The following MAP4K3 variants were observed in gnomAD, a reference collection of about 807,000 sequenced individuals.
MAP4K3 encodes mitogen-activated protein kinase kinase kinase kinase 3.
A neutral mutation model predicts 143.5 loss-of-function variants in MAP4K3; 94 were observed. That is an observed-to-expected ratio of 0.65 (90% CI 0.55 to 0.78). The LOEUF (loss-of-function observed/expected upper bound fraction) is 0.78. MAP4K3 is among the 30% of genes least tolerant of loss of function. The pLI, the probability that MAP4K3 is intolerant of heterozygous loss-of-function variation, is 0.00. For synonymous variants in MAP4K3, 416 were observed against 347.2 expected, an observed-to-expected ratio of 1.20 and a Z score of -2.20; for missense variants, 1,077 against 1,068.1, an observed-to-expected ratio of 1.01 and a Z score of -0.12.
chr2:39,415,284 G>A (rs1283556733), intron 1 of MAP4K3, among the ~76,000 whole-genome samples: 3 of 152,176 alleles, frequency 2.0e-5, no homozygotes, highest in Admixed American at 6.5e-5. Flanking sequence ...TTACTGATAT[G>A]ACTTTGTTTA....
At chr2:39,333,750 T>A (rs1408903967) in intron 6 of MAP4K3, among the ~76,000 whole-genome samples, 176 bp from the exon 7 acceptor site, 1 of 152,162 alleles carries the variant, frequency 6.6e-6, no homozygotes, top group Non-Finnish European at 1.5e-5. Flanking sequence ...GTCCACTTTT[T>A]AGGCAACTTG....
chr2:39,423,814 A>T (rs904828490), intron 1 of MAP4K3, among the ~76,000 whole-genome samples: 1 of 152,240 alleles, frequency 6.6e-6, no homozygotes, highest in Non-Finnish European at 1.5e-5. Context: ...AGGCAGTGAA[A>T]CTATTCTGTA....
intron 3 of MAP4K3, among the ~76,000 whole-genome samples, chr2:39,350,101 A>G (rs1029751776): frequency 6.6e-6 from 1 of 152,204 alleles, no homozygotes. Flanking sequence ...ATTAACAACT[A>G]TCTTACAATG....
chr2:39,258,478 G>T (rs754415252), intron 30 of MAP4K3, 38 bp from the exon 31 acceptor site: 19 of 1,595,230 alleles, frequency 1.2e-5, no homozygotes, highest in Admixed American at 1.7e-5. Context: ...TAAGATAAAA[G>T]AAGTCTTATT....
At chr2:39,415,980 A>AAAATATAT (rs1553318573) in intron 1 of MAP4K3, among the ~76,000 whole-genome samples, 7 of 14,760 alleles carry the variant, frequency 4.7e-4, no homozygotes, top group African/African-American at 1.2e-3. Flanking sequence ...AAAAAAAAAA[A>AAAATATAT]ATATATATAT....
At chr2:39,398,580 G>A (rs964033478) in intron 1 of MAP4K3, among the ~76,000 whole-genome samples, 6 of 151,408 alleles carry the variant, frequency 4.0e-5, no homozygotes, top group African/African-American at 1.2e-4. Flanking sequence ...GTAAATAAAC[G>A]CATTCTTTAT....
chr2:39,292,848 ATTG>A (rs1558627355), intron 17 of MAP4K3, 22 bp from the exon 18 acceptor site: 6 of 1,593,054 alleles, frequency 3.8e-6, no homozygotes, highest in Non-Finnish European at 5.2e-6. Context: ...GGATAATGTC[ATTG>A]TTATTAAATG....
At position 39,325,916 on chromosome 2, in the gene MAP4K3, T is replaced by A; in HGVS notation, c.708A>T (p.Leu236=). 1 of 1,592,378 alleles carries A rather than the reference T, an allele frequency of 6.3e-7. No individual in the cohort carries two copies. Among genetic ancestry groups the A allele is most frequent in the Non-Finnish European group, 8.6e-7 (1 of 1,164,130 alleles). The part of the protein sequence containing the change: ...MTKSNFQPPK[L]KDKMKWSNSF... ...ATACTTACCATTTCATTTTATCCTT[T>A]AGTTTAGGAGGCTGAAAATTGCTTT... Residue 236 remains leucine (L), a synonymous_variant, in exon 10 of 34, where the codon CTA becomes CTT. Coordinates refer to ENST00000263881, the MANE Select transcript of MAP4K3 (RefSeq NM_003618.4).
chr2:39,330,621 G>T (rs1163661794), intron 8 of MAP4K3, among the ~76,000 whole-genome samples: 1 of 151,872 alleles, frequency 6.6e-6, no homozygotes, highest in African/African-American at 2.4e-5. Flanking sequence ...ACTCCAGGAA[G>T]GATTATTCTA....
chr2:39,374,115 C>T (rs981189843), intron 2 of MAP4K3, among the ~76,000 whole-genome samples: 5 of 152,152 alleles, frequency 3.3e-5, no homozygotes, highest in African/African-American at 1.2e-4. Context: ...TTAAAAATGG[C>T]TCACATCTGT....
intron 13 of MAP4K3, 35 bp from the exon 14 acceptor site, chr2:39,309,554 T>A (rs769030951): frequency 1.0e-5 from 12 of 1,150,274 alleles, no homozygotes; most frequent in Non-Finnish European, 1.1e-5. Context: ...CAGGATTTTT[T>A]TTTTTTTTTT....
intron 13 of MAP4K3, 129 bp downstream of exon 13, chr2:39,315,177 CTAAT>C (rs1683071277): frequency 1.1e-5 from 6 of 549,404 alleles, no homozygotes; most frequent in Non-Finnish European, 1.5e-5. Flanking sequence ...TCTTACTGCC[CTAAT>C]TAAACTTTAC....
intron 8 of MAP4K3, among the ~76,000 whole-genome samples, chr2:39,328,993 A>G (rs138580043): frequency 5.4e-4 from 83 of 152,348 alleles, no homozygotes; most frequent in African/African-American, 1.8e-3. Flanking sequence ...GAGAGGTTCT[A>G]AAGTTTTAGA....
At position 39,260,615 on chromosome 2, in the gene MAP4K3, T is replaced by G; in HGVS notation, c.2299A>C (p.Thr767Pro). 2 of 1,613,930 alleles carry G rather than the reference T, an allele frequency of 1.2e-6. No homozygotes were observed. Among genetic ancestry groups the G allele is most frequent in the Non-Finnish European group, 1.7e-6 (2 of 1,179,928 alleles). ...VNPNSTSSWF[T>P]ESDTPQTNVT... is the part of the protein sequence containing the mutation. Reference sequence around the variant, plus strand: ...CATAAAAATTACAAACCTGATTCTGTAAACCATGAAGAGGTAGAATTTGGA... The same window carrying G: ...CATAAAAATTACAAACCTGATTCTGGAAACCATGAAGAGGTAGAATTTGGA... Residue 767 changes from threonine (T) to proline (P), a missense_variant, in exon 29 of 34, where the codon ACA (threonine) becomes CCA (proline). Coordinates refer to ENST00000263881, the MANE Select transcript of MAP4K3 (RefSeq NM_003618.4).
intron 21 of MAP4K3, among the ~76,000 whole-genome samples, chr2:39,286,449 A>G (rs1331324626): frequency 1.3e-5 from 2 of 152,250 alleles, no homozygotes; most frequent in South Asian, 2.1e-4. Context: ...TAGAAGCTAC[A>G]GCTTTCTTTA....
At chr2:39,356,745 G>A (rs1318547843) in intron 2 of MAP4K3, among the ~76,000 whole-genome samples, 1 of 152,186 alleles carries the variant, frequency 6.6e-6, no homozygotes, top group South Asian at 2.1e-4. Flanking sequence ...GCCTGGCATG[G>A]AGTATGCTTT....
intron 1 of MAP4K3, among the ~76,000 whole-genome samples, chr2:39,430,414 G>A (rs1665248463): frequency 6.6e-6 from 1 of 151,824 alleles, no homozygotes; most frequent in Non-Finnish European, 1.5e-5. Flanking sequence ...ATCAGGTCAA[G>A]GCAGTTAGAA....
intron 1 of MAP4K3, among the ~76,000 whole-genome samples, chr2:39,409,275 A>G (rs1667174286): frequency 6.6e-6 from 1 of 152,246 alleles, no homozygotes; most frequent in South Asian, 2.1e-4. Flanking sequence ...TTAACTATTT[A>G]TATTATCAGT....
Position 39,299,772 on chromosome 2 carries a change from G to A in MAP4K3, c.1149C>T (p.His383=), listed in dbSNP as rs1682432333. 2 of 1,577,158 alleles carry A rather than the reference G, an allele frequency of 1.3e-6. No individual in the cohort carries two copies. Among genetic ancestry groups the A allele is most frequent in the South Asian group, 1.2e-5 (1 of 82,540 alleles). The change falls in exon 16 of 34, where the codon CAC becomes CAT. Residue 383 remains histidine (H), a synonymous_variant. Coordinates refer to ENST00000263881, the MANE Select transcript of MAP4K3 (RefSeq NM_003618.4). ...LDLQLEYGQG[H]QGGYFLGANK... The stretch of plus-strand genomic sequence containing the variant: ...TTGCACCTAAAAAGTAACCACCTTG[G>A]TGTCCTTGTCCATATTCCAGTTGCA...
Sources: gnomAD v4.1 joint callset for allele counts (sites outside exome capture counted in the v4.1 genomes callset) on GRCh38, gnomAD v4.1.1 for gene constraint, MANE v1.5 for transcripts, NCBI Gene and HGNC (gene_info 2026-07-23, HGNC 2026-07-21) for gene names.